The following ATP13A4 variants were observed in gnomAD, a reference collection of about 807,000 sequenced individuals.
ATP13A4 encodes probable cation-transporting ATPase 13A4.
ATP13A4 carries 114 observed loss-of-function variants against 142.5 expected under a neutral mutation model. That is an observed-to-expected ratio of 0.80 (90% CI 0.69 to 0.93). The LOEUF (loss-of-function observed/expected upper bound fraction) is 0.93, where lower values mean the gene tolerates loss of function less well. Ranked by LOEUF, ATP13A4 falls within the 40% of genes least tolerant of loss-of-function variation. The probability of loss-of-function intolerance (pLI) is 0.00; values close to 1 mark genes in which losing one functional copy is unlikely to be tolerated. For synonymous variants in ATP13A4, 488 were observed against 514.8 expected (o/e 0.95, Z 0.70); for missense variants, 1,392 against 1,454.0 (o/e 0.96, Z 0.69).
chr3:193,584,327 C>T (rs1724628899), intron 1 of ATP13A4, among the ~76,000 whole-genome samples: 1 of 152,004 alleles, frequency 6.6e-6, no homozygotes, highest in African/African-American at 2.4e-5. Context: ...GAGACACAAG[C>T]AAAGAAATGT....
At chr3:193,448,417 G>C in intron 17 of ATP13A4, 87 bp from the exon 18 acceptor site, 5 of 1,511,688 alleles carry the variant, frequency 3.3e-6, no homozygotes, top group South Asian at 2.3e-5. Context: ...TGTCATCCAG[G>C]CTGGAGGACA....
At chr3:193,474,989 T>G (rs1718882033) in intron 8 of ATP13A4, among the ~76,000 whole-genome samples, 1 of 152,080 alleles carries the variant, frequency 6.6e-6, no homozygotes, top group Non-Finnish European at 1.5e-5. Flanking sequence ...GTGCAAAATT[T>G]CCAGCGCATT....
intron 23 of ATP13A4, among the ~76,000 whole-genome samples, chr3:193,436,976 C>T (rs951153781): frequency 1.8e-4 from 27 of 148,418 alleles, no homozygotes; most frequent in Non-Finnish European, 2.8e-4. Flanking sequence ...TGGTGGCGGG[C>T]GCCTGTAGTC....
At chr3:193,518,240 T>C (rs1721532937) in intron 1 of ATP13A4, among the ~76,000 whole-genome samples, 1 of 152,238 alleles carries the variant, frequency 6.6e-6, no homozygotes, top group South Asian at 2.1e-4. Context: ...AGATGTACTG[T>C]GGTGTGTCCA....
At chr3:193,504,497 AATTGTTAC>A (rs1448567440) in intron 2 of ATP13A4, among the ~76,000 whole-genome samples, 1 of 152,200 alleles carries the variant, frequency 6.6e-6, no homozygotes, top group African/African-American at 2.4e-5. Context: ...AACACTATGG[AATTGTTAC>A]AGTTAATTAT....
intron 1 of ATP13A4, 129 bp downstream of exon 1, chr3:193,554,611 C>A: frequency 8.3e-7 from 1 of 1,205,920 alleles, no homozygotes; most frequent in Non-Finnish European, 1.2e-6. Context: ...CGTGTAATAC[C>A]AGAGTGAAAT....
intron 23 of ATP13A4, among the ~76,000 whole-genome samples, chr3:193,437,825 A>T (rs1041110099): frequency 9.7e-6 from 1 of 102,944 alleles, no homozygotes; most frequent in African/African-American, 3.8e-5. Context: ...GCCAATAAAG[A>T]TTTTTTTTTT....
At chr3:193,458,959 A>G in intron 14 of ATP13A4, 122 bp downstream of exon 14, 2 of 1,376,014 alleles carry the variant, frequency 1.5e-6, no homozygotes, top group Non-Finnish European at 2.1e-6. Flanking sequence ...TTTGCCCTTC[A>G]CTACCAAATG....
chr3:193,469,923 T>C (rs1718521344), intron 9 of ATP13A4, among the ~76,000 whole-genome samples: 1 of 152,218 alleles, frequency 6.6e-6, no homozygotes, highest in Non-Finnish European at 1.5e-5. Flanking sequence ...AGGATTTTTA[T>C]GAATCTATGG....
At position 193,403,717 on chromosome 3, in the gene ATP13A4, T is replaced by C. The variant is rs951049230; in HGVS notation, c.3379-853A>G. ...TGAATAGAGCCCAAGTTATAACTTA[T>C]AATTCATGAGAGGTTATCATATTAA... On this transcript the variant is annotated intron_variant, in intron 29 of 29. Coordinates refer to ENST00000342695, the MANE Select transcript of ATP13A4 (RefSeq NM_032279.4). The C allele has an allele frequency of 1.0e-5, 10 of 967,538 alleles. 1 individual carries two copies. The South Asian group carries it at 1.9e-4, about 19-fold the overall frequency. The allele number at this position is 967,538 out of a possible 1,614,324, so 59.9% of individuals were successfully genotyped here. A position where few individuals can be genotyped will look rare whatever the true frequency, so the allele number is the denominator to read the frequency against.
intron 25 of ATP13A4, among the ~76,000 whole-genome samples, chr3:193,432,780 G>C (rs13077551): frequency 0.7 from 105,613 of 151,916 alleles, 37,549 homozygotes; most frequent in Non-Finnish European, 0.77. Flanking sequence ...CTACTGAGAC[G>C]GTAAAAGATC....
intron 24 of ATP13A4, 108 bp from the exon 25 acceptor site, chr3:193,434,025 A>G: frequency 1.1e-6 from 1 of 927,238 alleles, no homozygotes; most frequent in African/African-American, 1.6e-5. Flanking sequence ...CAAGTAAATT[A>G]CTGTGGAGAT....
chr3:193,429,304 C>A (rs1715843884), intron 25 of ATP13A4, among the ~76,000 whole-genome samples: 1 of 151,764 alleles, frequency 6.6e-6, no homozygotes, highest in Non-Finnish European at 1.5e-5. Context: ...CACTTTATAC[C>A]CAAAAGAGTT....
At chr3:193,590,610 G>A (rs1427094321) in intron 1 of ATP13A4, among the ~76,000 whole-genome samples, 2 of 152,130 alleles carry the variant, frequency 1.3e-5, no homozygotes, top group Non-Finnish European at 2.9e-5. Context: ...GCTTTAGGAA[G>A]GGACTATTAT....
chr3:193,464,975 C>G lies in ATP13A4; in HGVS notation c.1426G>C (p.Val476Leu). ...IFCISPQRIN[V>L]CGQLNLVCFD... ...CAGACAAGGTTTAACTGTCCACATA[C>G]GTTGATCCTCTGGGGGCTAATGCAG... is the stretch of plus-strand genomic sequence containing the variant. Residue 476 changes from valine to leucine, a missense_variant, in exon 12 of 30, where the codon GTA becomes CTA. Coordinates refer to ENST00000342695, the MANE Select transcript of ATP13A4 (RefSeq NM_032279.4). 6.2e-7 allele frequency: 1 copy of G among 1,614,108 alleles called. No homozygotes were observed. The highest frequency in any genetic ancestry group is 8.5e-7 in the Non-Finnish European group (1 of 1,180,014).
chr3:193,499,337 A>G (rs1417505851), intron 3 of ATP13A4, among the ~76,000 whole-genome samples: 2 of 152,210 alleles, frequency 1.3e-5, no homozygotes, highest in African/African-American at 2.4e-5. Context: ...CCATCATGAC[A>G]CATGTTGAAA....
intron 25 of ATP13A4, among the ~76,000 whole-genome samples, chr3:193,426,903 T>TA (rs1715695958): frequency 6.6e-6 from 1 of 151,934 alleles, no homozygotes; most frequent in Non-Finnish European, 1.5e-5. Flanking sequence ...AGAAGAAACT[T>TA]AGGGAGAAAT....
intron 8 of ATP13A4, among the ~76,000 whole-genome samples, chr3:193,479,739 T>C (rs1560218262): frequency 6.6e-6 from 1 of 152,120 alleles, no homozygotes; most frequent in African/African-American, 2.4e-5. Flanking sequence ...AATACCATCA[T>C]CATTCTTCAC....
chr3:193,428,449 C>T (rs899117250), intron 25 of ATP13A4, among the ~76,000 whole-genome samples: 1 of 151,966 alleles, frequency 6.6e-6, no homozygotes, highest in South Asian at 2.1e-4. Flanking sequence ...GGGTATATAC[C>T]CAAAGGATTA....
Sources: gnomAD v4.1 joint callset for allele counts (sites outside exome capture counted in the v4.1 genomes callset) on GRCh38, gnomAD v4.1.1 for gene constraint, MANE v1.5 for transcripts, NCBI Gene and HGNC (gene_info 2026-07-23, HGNC 2026-07-21) for gene names.